Variants in CDH4 observed in about 807,000 individuals in gnomAD.
CDH4 encodes the protein cadherin 4, also known as cadherin-4.
CDH4 carries 33 observed loss-of-function variants against 86.0 expected under a neutral mutation model. The ratio of observed to expected loss-of-function variants is 0.38; its 90% CI spans 0.29 to 0.51. The LOEUF is 0.51. CDH4 is among the 20% of genes least tolerant of loss of function. The pLI, the probability that CDH4 is intolerant of heterozygous loss-of-function variation, is 0.86. For synonymous variants in CDH4, 555 were observed against 549.4 expected, an observed-to-expected ratio of 1.01 and a Z score of -0.14; for missense variants, 1,114 against 1,307.4, an observed-to-expected ratio of 0.85 and a Z score of 2.28.
chr20:61,705,034 C>G (rs1432799542), intron 2 of CDH4, among the ~76,000 whole-genome samples: 1 of 152,168 alleles, frequency 6.6e-6, no homozygotes, highest in African/African-American at 2.4e-5. Context: ...GCTCAAAGGT[C>G]CCCTGAGCAC....
intron 2 of CDH4, among the ~76,000 whole-genome samples, chr20:61,595,535 T>C (rs1535143): frequency 0.69 from 105,593 of 152,120 alleles, 37,199 homozygotes; most frequent in East Asian, 0.8. Context: ...CTCCCTTTTG[T>C]GTCCCCTGGA....
chr20:61,800,987 G>A (rs1419753217), intron 4 of CDH4, among the ~76,000 whole-genome samples: 1 of 152,206 alleles, frequency 6.6e-6, no homozygotes, highest in African/African-American at 2.4e-5. Context: ...CAAGCATCTT[G>A]GTTGGGGGCA....
At chr20:61,546,379 G>T (rs2086087194) in intron 2 of CDH4, among the ~76,000 whole-genome samples, 1 of 151,362 alleles carries the variant, frequency 6.6e-6, no homozygotes, top group Admixed American at 6.6e-5. Context: ...TAGGGGTGAG[G>T]TATGTGTGCA....
chr20:61,740,770 G>A (rs965957982), intron 2 of CDH4: 3 of 152,246 alleles, frequency 2.0e-5, no homozygotes, highest in Non-Finnish European at 4.4e-5. Context: ...TGGGCTGAGT[G>A]TTCAGACACA....
rs565944040 is a variant in CDH4 at position 61,830,915 on chromosome 20, C to T, written c.577-13753C>T. On this transcript the variant is annotated intron_variant, in intron 4 of 15. Transcript: ENST00000614565. Reference sequence around the variant, plus strand: ...CCTGTTTGTTGATGGTGCAGGAACCCGCTGCTGCAGTTAGGAAATTGAAAT... The same window carrying T: ...CCTGTTTGTTGATGGTGCAGGAACCTGCTGCTGCAGTTAGGAAATTGAAAT... Among the ~76,000 whole-genome samples the T allele has an allele frequency of 3.4e-4, 52 of 152,294 alleles. 1 individual carries two copies. Among genetic ancestry groups the T allele is most frequent in the African/African-American group, 1.2e-3 (51 of 41,570 alleles).
At position 61,594,929 on chromosome 20, in the gene CDH4, A is replaced by G. The variant is rs1221852500; in HGVS notation, c.170-148634A>G. Among the ~76,000 whole-genome samples, 3 of 151,154 alleles carry G rather than the reference A, an allele frequency of 2.0e-5. No homozygotes were observed. In the East Asian group the frequency reaches 5.8e-4, roughly 29 times the overall value. On this transcript the variant is annotated intron_variant, in intron 2 of 15. Transcript: ENST00000614565. ...CAGTGTGGCCATTTATTAGTTCTTCATTCATTCATTCATTCATTCGCTCAC... is the reference window on the plus strand; with the variant it reads ...CAGTGTGGCCATTTATTAGTTCTTCGTTCATTCATTCATTCATTCGCTCAC...
At position 61,417,763 on chromosome 20, in the gene CDH4, C is replaced by G. The variant is rs866797981; in HGVS notation, c.169+162826C>G. On this transcript the variant is annotated intron_variant, in intron 2 of 15. Transcript: ENST00000614565. The surrounding 1 kb of genome is among the most constrained non-coding windows in gnomAD (Gnocchi z 4.0). The stretch of plus-strand genomic sequence containing the variant: ...AGTGGGCACAGGAGCCTTGACCTGA[C>G]AAGGTCCTCGAGGCCAGGCGAGGTC... Among the ~76,000 whole-genome samples the G allele has an allele frequency of 6.6e-6, 1 of 152,090 alleles. No homozygotes were observed. Among genetic ancestry groups the G allele is most frequent in the Non-Finnish European group, 1.5e-5 (1 of 68,026 alleles).
chr20:61,694,151 T>C (rs1455617809), intron 2 of CDH4, among the ~76,000 whole-genome samples: 1 of 152,082 alleles, frequency 6.6e-6, no homozygotes, highest in African/African-American at 2.4e-5. Flanking sequence ...TCCTCAGCTA[T>C]GATCACAGGT....
chr20:61,526,116 G>A (rs551239995), intron 2 of CDH4, among the ~76,000 whole-genome samples: 2 of 152,316 alleles, frequency 1.3e-5, no homozygotes, highest in East Asian at 3.9e-4. Flanking sequence ...CGTGGACACT[G>A]GCTGTTCCTT....
chr20:61,300,823 G>A (rs943025899), intron 2 of CDH4, among the ~76,000 whole-genome samples: 1 of 152,194 alleles, frequency 6.6e-6, no homozygotes, highest in Non-Finnish European at 1.5e-5. Flanking sequence ...TCCTGGCAGA[G>A]CCACCAGGAG....
chr20:61,753,609 G>C (rs1029464102), intron 3 of CDH4, among the ~76,000 whole-genome samples: 2 of 152,188 alleles, frequency 1.3e-5, no homozygotes, highest in East Asian at 3.8e-4. Context: ...GGAAACACTC[G>C]AGACCAAGCT....
At chr20:61,418,296 C>T (rs994246956) in intron 2 of CDH4, among the ~76,000 whole-genome samples, 10 of 151,566 alleles carry the variant, frequency 6.6e-5, no homozygotes, top group African/African-American at 1.5e-4. Flanking sequence ...CTGCAAGCTC[C>T]GCCTCCCGGG....
At chr20:61,594,835 C>T (rs540458299) in intron 2 of CDH4, among the ~76,000 whole-genome samples, 62 of 152,350 alleles carry the variant, frequency 4.1e-4, no homozygotes, top group Middle Eastern at 3.4e-3. Context: ...TTTTTCAAGA[C>T]AGACAAATAG....
chr20:61,616,336 A>G (rs2086725043), intron 2 of CDH4, among the ~76,000 whole-genome samples: 1 of 152,142 alleles, frequency 6.6e-6, no homozygotes, highest in Non-Finnish European at 1.5e-5. Flanking sequence ...TCATATCTGA[A>G]GCCCTTCCTG....
At chr20:61,558,984 T>C (rs1003383198) in intron 2 of CDH4, among the ~76,000 whole-genome samples, 7 of 152,224 alleles carry the variant, frequency 4.6e-5, no homozygotes, top group Non-Finnish European at 1.0e-4. Flanking sequence ...AATTATTTTC[T>C]TCCTGTTAGG....
At chr20:61,845,123 A>C (rs995855926) in intron 5 of CDH4, among the ~76,000 whole-genome samples, 1 of 152,206 alleles carries the variant, frequency 6.6e-6, no homozygotes. Flanking sequence ...GAAGGCCTCC[A>C]TCCACGTGGT....
chr20:61,895,779 C>T (rs1304332573), intron 8 of CDH4, among the ~76,000 whole-genome samples: 1 of 152,230 alleles, frequency 6.6e-6, no homozygotes. Flanking sequence ...CCTTGGCTGT[C>T]GCCCTGCTTA....
chr20:61,613,800 A>G (rs2086704262), intron 2 of CDH4, among the ~76,000 whole-genome samples: 1 of 151,234 alleles, frequency 6.6e-6, no homozygotes, highest in Admixed American at 6.6e-5. Flanking sequence ...TCGACTCTAC[A>G]GACTTCTTGC....
chr20:61,735,101 C>T (rs2088245807), intron 2 of CDH4, among the ~76,000 whole-genome samples: 1 of 152,008 alleles, frequency 6.6e-6, no homozygotes, highest in African/African-American at 2.4e-5. Flanking sequence ...AGGGACCCTG[C>T]CCTGGGCTGA....
Sources: allele counts gnomAD v4.1 joint callset (sites outside exome capture counted in the v4.1 genomes callset), GRCh38; gene constraint gnomAD v4.1.1; non-coding constraint Gnocchi (gnomAD v3.1); transcripts MANE v1.5; gene names NCBI Gene and HGNC (gene_info 2026-07-23, HGNC 2026-07-21).